The following MAPK10 variants were observed in gnomAD, a reference collection of about 807,000 sequenced individuals.
MAPK10 encodes mitogen-activated protein kinase 10.
A neutral mutation model predicts 59.3 loss-of-function variants in MAPK10; 25 were observed. The ratio of observed to expected loss-of-function variants is 0.42; its 90% CI spans 0.31 to 0.59. MAPK10 has a LOEUF of 0.59. Ranked by LOEUF, MAPK10 falls within the 20% of genes least tolerant of loss-of-function variation. The pLI is 0.15. For missense variants in MAPK10, 351 were observed against 568.9 expected (o/e 0.62, Z 3.90); for synonymous variants, 190 against 200.5 (o/e 0.95, Z 0.44).
intron 2 of MAPK10, among the ~76,000 whole-genome samples, chr4:86,279,866 T>A (rs1249365031): frequency 6.6e-6 from 1 of 152,176 alleles, no homozygotes; most frequent in South Asian, 2.1e-4. Flanking sequence ...TTCCCGCCCA[T>A]CTTCCAACCC....
intron 2 of MAPK10, among the ~76,000 whole-genome samples, chr4:86,324,137 T>C (rs2148898550): frequency 6.6e-6 from 1 of 152,306 alleles, no homozygotes; most frequent in African/African-American, 2.4e-5. Context: ...TCGGGCGTAC[T>C]GGCTCAAGTC....
upstream of MAPK10, among the ~76,000 whole-genome samples, chr4:86,362,415 T>TAA (rs564786945): frequency 9.6e-5 from 13 of 136,120 alleles, no homozygotes; most frequent in East Asian, 4.2e-4. Context: ...GCACTTACCA[T>TAA]AAAAAAAAAA....
chr4:86,367,647 ATTTG>A (rs1190464746), intron 1 of MAPK10, among the ~76,000 whole-genome samples: 1 of 151,074 alleles, frequency 6.6e-6, no homozygotes, highest in Non-Finnish European at 1.5e-5. Context: ...TGTAGCAAGC[ATTTG>A]TTTTTTTTTT....
At chr4:86,161,292 CAA>C (rs1204493570) in intron 3 of MAPK10, among the ~76,000 whole-genome samples, 1 of 152,010 alleles carries the variant, frequency 6.6e-6, no homozygotes, top group East Asian at 1.9e-4. Flanking sequence ...GGGAATTAAA[CAA>C]GACTATTAAA....
At chr4:86,123,896 C>T (rs2059660259) in intron 4 of MAPK10, 1 of 152,100 alleles carries the variant, frequency 6.6e-6, no homozygotes, top group South Asian at 2.1e-4. Context: ...ATTTTATAAA[C>T]ATTTAAGTTA....
intron 2 of MAPK10, among the ~76,000 whole-genome samples, chr4:86,334,831 T>C (rs17011705): frequency 0.73 from 111,591 of 151,860 alleles, 41,510 homozygotes; most frequent in South Asian, 0.9. Context: ...AAGGTTAGCA[T>C]GCAAATAAAT....
intron 11 of MAPK10, among the ~76,000 whole-genome samples, chr4:86,062,709 A>T (rs1182411806): frequency 6.6e-6 from 1 of 152,160 alleles, no homozygotes; most frequent in Non-Finnish European, 1.5e-5. Context: ...TATCAACATA[A>T]CCTAAAATAT....
intron 4 of MAPK10, chr4:86,159,012 C>T (rs2068696760): frequency 4.0e-6 from 1 of 247,390 alleles, no homozygotes. Flanking sequence ...TTAGCAACTG[C>T]TAGAAAATCT....
At chr4:86,537,066 C>T (rs559615225) in intron 1 of MAPK10, among the ~76,000 whole-genome samples, 2 of 152,112 alleles carry the variant, frequency 1.3e-5, no homozygotes, top group Admixed American at 6.5e-5. Context: ...CTCAGGTTGT[C>T]GGAACCTCAG....
intron 2 of MAPK10, among the ~76,000 whole-genome samples, chr4:86,296,196 A>G (rs1200491582): frequency 6.6e-6 from 1 of 151,828 alleles, no homozygotes; most frequent in African/African-American, 2.4e-5. Flanking sequence ...AAAAAGAAAA[A>G]GAAAGATTTG....
intron 4 of MAPK10, among the ~76,000 whole-genome samples, chr4:86,109,361 A>C (rs904349381): frequency 1.3e-5 from 2 of 152,036 alleles, no homozygotes; most frequent in Non-Finnish European, 2.9e-5. Context: ...TGCATTAGCT[A>C]TTTTTCCTGA....
intron 11 of MAPK10, among the ~76,000 whole-genome samples, chr4:86,061,345 G>C (rs775159355): frequency 6.6e-6 from 1 of 152,206 alleles, no homozygotes; most frequent in East Asian, 1.9e-4. Context: ...TACACGATTT[G>C]TGTGTTCTAC....
intron 2 of MAPK10, among the ~76,000 whole-genome samples, chr4:86,291,550 G>T (rs746828805): frequency 6.6e-6 from 1 of 152,150 alleles, no homozygotes; most frequent in Non-Finnish European, 1.5e-5. Context: ...TTTTTTTAAA[G>T]AAATGCATAT....
rs556491210 is a variant in MAPK10 at position 86,242,868 on chromosome 4, C to A, written c.-6-48461G>T. 1.7e-3 allele frequency among the ~76,000 whole-genome samples: 221 copies of A among 129,088 alleles called. 1 individual carries two copies. The highest frequency in any genetic ancestry group is 8.9e-3 in the African/African-American group (215 of 24,238). 84.7% of individuals were successfully genotyped at this position (129,088 alleles called of 152,430 possible). On this transcript the variant is annotated intron_variant, in intron 2 of 13. Transcript: ENST00000641462. ...AGTGGCAGGTGCTGGATGCCCCTCC[C>A]CCGGAAGTTCGATAGGCTTAAGCAG...
At chr4:86,535,533 G>GC (rs1758175465) in intron 1 of MAPK10, among the ~76,000 whole-genome samples, 4 of 151,850 alleles carry the variant, frequency 2.6e-5, no homozygotes, top group Admixed American at 2.6e-4. Flanking sequence ...TTTTTTGTTT[G>GC]TTTTTTTTAG....
chr4:86,450,634 T>G (rs1195043719), intron 1 of MAPK10, among the ~76,000 whole-genome samples: 1 of 152,158 alleles, frequency 6.6e-6, no homozygotes, highest in Non-Finnish European at 1.5e-5. Context: ...GCAACCACAG[T>G]AACCTACCCA....
chr4:86,425,314 T>G lies in MAPK10; in HGVS notation c.-122+27716A>C, dbSNP rs181543560. Among the ~76,000 whole-genome samples the G allele has an allele frequency of 2.4e-3, 360 of 152,334 alleles. 4 individuals are homozygous for G. The highest frequency in any genetic ancestry group is 0.014 in the Admixed American group (207 of 15,300). ...CAACATTATTTCTAATCATAAAATG[T>G]ATCTCTACTAGAAGCTACATGTATT... On this transcript the variant is annotated intron_variant, in intron 1 of 13. Coordinates refer to the MAPK10 transcript ENST00000361569.
chr4:86,476,626 G>T (rs923819480), intron 1 of MAPK10, among the ~76,000 whole-genome samples: 1 of 152,118 alleles, frequency 6.6e-6, no homozygotes, highest in Non-Finnish European at 1.5e-5. Flanking sequence ...ATGAAATAAA[G>T]CTCCAAAAAT....
At chr4:86,303,263 A>G (rs1245359168) in intron 2 of MAPK10, among the ~76,000 whole-genome samples, 1 of 152,170 alleles carries the variant, frequency 6.6e-6, no homozygotes, top group East Asian at 1.9e-4. Flanking sequence ...AAGTGAAAAC[A>G]TCATTTTGTT....
Sources: gnomAD v4.1 joint callset for allele counts (sites outside exome capture counted in the v4.1 genomes callset) on GRCh38, gnomAD v4.1.1 for gene constraint, MANE v1.5 for transcripts, NCBI Gene and HGNC (gene_info 2026-07-23, HGNC 2026-07-21) for gene names.